TBC1D9: variants seen among roughly 807,000 people sequenced by gnomAD.
The protein encoded by TBC1D9 is TBC1 domain family member 9A.
Under a neutral mutation model 132.0 loss-of-function variants are expected in TBC1D9, and 63 were observed. The ratio of observed to expected loss-of-function variants is 0.48; its 90% CI spans 0.39 to 0.59. The LOEUF (loss-of-function observed/expected upper bound fraction) is 0.59, where lower values mean the gene tolerates loss of function less well. Ranked by LOEUF, TBC1D9 falls within the 20% of genes least tolerant of loss-of-function variation. The pLI, the probability that TBC1D9 is intolerant of heterozygous loss-of-function variation, is 0.00. For synonymous variants in TBC1D9, 610 were observed against 609.9 expected (o/e 1.00, Z 0.00); for missense variants, 1,261 against 1,592.7 (o/e 0.79, Z 3.54).
chr4:140,642,813 C>G (rs1241601962), intron 13 of TBC1D9: 1 of 613,590 alleles, frequency 1.6e-6, no homozygotes, highest in Non-Finnish European at 2.9e-6. Flanking sequence ...CAGTTCTTCC[C>G]CCTCTTGCGG....
chr4:140,696,143 T>C (rs1231606020), intron 2 of TBC1D9, among the ~76,000 whole-genome samples: 1 of 152,058 alleles, frequency 6.6e-6, no homozygotes, highest in African/African-American at 2.4e-5. Flanking sequence ...TCAGACCAAC[T>C]TGGATAAACT....
intron 1 of TBC1D9, among the ~76,000 whole-genome samples, chr4:140,748,695 T>C (rs1038420536): frequency 6.6e-6 from 1 of 152,130 alleles, no homozygotes; most frequent in African/African-American, 2.4e-5. Flanking sequence ...GTGCCAACCA[T>C]TCAAAACAAA....
chr4:140,656,149 C>T (rs1263901185), intron 13 of TBC1D9, among the ~76,000 whole-genome samples: 1 of 152,180 alleles, frequency 6.6e-6, no homozygotes, highest in Non-Finnish European at 1.5e-5. Flanking sequence ...GTAGTTCTCA[C>T]TGTAGAAGGA....
At chr4:140,730,708 A>G (rs1055887132) in intron 1 of TBC1D9, among the ~76,000 whole-genome samples, 5 of 152,218 alleles carry the variant, frequency 3.3e-5, no homozygotes, top group African/African-American at 1.2e-4. Context: ...CCTGGGCAAC[A>G]GAGCAAGACT....
Position 140,624,351 on chromosome 4 carries a change from A to G in TBC1D9, c.2937T>C (p.Asp979=). Residue 979 remains aspartate, a synonymous_variant, in exon 19 of 21, where the codon GAT becomes GAC. Transcript: ENST00000442267. ...TTAGGCTCACCGTAACAAAGCCATC[A>G]TCTGCACCCTGTTTGCTTCTGCTAT... ...GLDSRSKQGA[D]DGFVTVSLKP... is the part of the protein sequence containing the mutation. 1 of 1,613,926 alleles carries G rather than the reference A, an allele frequency of 6.2e-7. No homozygotes were observed. The highest frequency in any genetic ancestry group is 8.5e-7 in the Non-Finnish European group (1 of 1,179,868).
In TBC1D9 at chr4:140,657,816, T is replaced by C; in HGVS notation, c.1922-4A>G. The C allele has an allele frequency of 6.2e-7, 1 of 1,608,062 alleles. No homozygotes were observed. Among genetic ancestry groups the C allele is most frequent in the Middle Eastern group, 1.7e-4 (1 of 5,810 alleles). ...ACACCTTGGTCCACCAGTGCACCTG[T>C]GGCAGCGATGTATACAAAAAGGCGC... On this transcript the variant is annotated splice_polypyrimidine_tract_variant and splice_region_variant and intron_variant, in intron 11 of 20. Transcript: ENST00000442267.
chr4:140,621,140 G>A lies in TBC1D9; in HGVS notation c.*1055C>T, dbSNP rs1327784168. On this transcript the variant is annotated 3_prime_UTR_variant, in exon 21 of 21. Transcript: ENST00000442267. ...AGAGCATACTATTCTTTTATATAAA[G>A]TGACAAGTTCTGTTTTTAAAACATT... 6.6e-6 allele frequency: 1 copy of A among 152,576 alleles called. No homozygotes were observed. Among genetic ancestry groups the A allele is most frequent in the Non-Finnish European group, 1.5e-5 (1 of 68,018 alleles). The allele number at this position is 152,576 out of a possible 1,614,324, so 9.5% of individuals were successfully genotyped here.
intron 9 of TBC1D9, among the ~76,000 whole-genome samples, chr4:140,665,285 A>T (rs931494473): frequency 6.6e-6 from 1 of 152,186 alleles, no homozygotes; most frequent in African/African-American, 2.4e-5. Context: ...TTCGAAGGAT[A>T]CCATCAAAGA....
At chr4:140,690,330 C>T (rs1295759800) in intron 2 of TBC1D9, among the ~76,000 whole-genome samples, 1 of 152,128 alleles carries the variant, frequency 6.6e-6, no homozygotes, top group Non-Finnish European at 1.5e-5. Context: ...CCACACTGCC[C>T]ACTGTCCATC....
chr4:140,687,395 T>TATATATATATAA (rs1209807437), intron 2 of TBC1D9, among the ~76,000 whole-genome samples: 1 of 100,778 alleles, frequency 9.9e-6, no homozygotes, highest in Non-Finnish European at 2.0e-5. Flanking sequence ...TATATATATA[T>TATATATATATAA]AAACATATAG....
At chr4:140,672,714 A>G (rs150826148) in intron 6 of TBC1D9, among the ~76,000 whole-genome samples, 48 of 152,322 alleles carry the variant, frequency 3.2e-4, no homozygotes, top group African/African-American at 1.1e-3. Context: ...ACTCTATCAC[A>G]TAAGCTCCCC....
intron 13 of TBC1D9, chr4:140,643,345 C>A: frequency 7.5e-7 from 1 of 1,338,702 alleles, no homozygotes; most frequent in Non-Finnish European, 1.0e-6. Flanking sequence ...AAGGCCTGGA[C>A]TCCAGTAGCA....
At position 140,701,425 on chromosome 4, in the gene TBC1D9, G is replaced by A. The variant is rs565314426; in HGVS notation, c.241+79C>T. 127 of 1,060,472 alleles carry A rather than the reference G, an allele frequency of 1.2e-4. 1 individual carries two copies. The highest frequency in any genetic ancestry group is 2.0e-4 in the Admixed American group (10 of 48,854). The allele number at this position is 1,060,472 out of a possible 1,614,324, so 65.7% of individuals were successfully genotyped here. A position where few individuals can be genotyped will look rare whatever the true frequency, so the allele number is the denominator to read the frequency against. ...CAGTGATTGCATTCAGCAAGTACAC[G>A]TTCCTTTCCTTCTGATAAAAAGTTG... On this transcript the variant is annotated intron_variant, in intron 2 of 20. Transcript: ENST00000442267.
chr4:140,660,262 T>C (rs1321737244), intron 10 of TBC1D9, among the ~76,000 whole-genome samples: 2 of 152,186 alleles, frequency 1.3e-5, no homozygotes, highest in African/African-American at 4.8e-5. Flanking sequence ...CTAAAGTAAC[T>C]GTAGTTTATT....
At chr4:140,708,122 A>G (rs1738175999) in intron 1 of TBC1D9, among the ~76,000 whole-genome samples, 1 of 152,186 alleles carries the variant, frequency 6.6e-6, no homozygotes, top group Non-Finnish European at 1.5e-5. Context: ...AAAATTCTCA[A>G]TTTGATGAAC....
At chr4:140,645,562 C>T in intron 13 of TBC1D9, 2 of 289,496 alleles carry the variant, frequency 6.9e-6, no homozygotes, top group South Asian at 6.4e-5. Context: ...TCCAGGCATG[C>T]ATCATTATCT....
intron 2 of TBC1D9, among the ~76,000 whole-genome samples, chr4:140,687,342 T>TGTGTTATATATA (rs1560885798): frequency 1.8e-5 from 1 of 54,532 alleles, no homozygotes; most frequent in Non-Finnish European, 3.6e-5. Flanking sequence ...TGTGTGTGTG[T>TGTGTTATATATA]CATATATATA....
intron 13 of TBC1D9, among the ~76,000 whole-genome samples, chr4:140,648,543 G>T: frequency 6.6e-6 from 1 of 151,724 alleles, no homozygotes; most frequent in African/African-American, 2.4e-5. Flanking sequence ...GTGCCACTAC[G>T]CCTGGCTAAT....
intron 9 of TBC1D9, among the ~76,000 whole-genome samples, chr4:140,663,530 C>T (rs1737397867): frequency 6.6e-6 from 1 of 152,072 alleles, no homozygotes; most frequent in Admixed American, 6.6e-5. Context: ...TCCAGTAATC[C>T]CACTCTAAGC....
Sources: gnomAD v4.1 joint callset for allele counts (sites outside exome capture counted in the v4.1 genomes callset) on GRCh38, gnomAD v4.1.1 for gene constraint, MANE v1.5 for transcripts, NCBI Gene and HGNC (gene_info 2026-07-23, HGNC 2026-07-21) for gene names.